The following PRAMEF17 variants were observed in gnomAD, a reference collection of about 807,000 sequenced individuals.
PRAMEF17 encodes the protein PRAME family member 17.
In PRAMEF17, 48 loss-of-function variants were observed where a neutral mutation model predicts 36.8. The ratio of observed to expected loss-of-function variants is 1.30; its 90% CI spans 1.03 to 1.66. The LOEUF (loss-of-function observed/expected upper bound fraction) is 1.66. Among genes scored for constraint, PRAMEF17 ranks in the 40% most tolerant of loss-of-function variants. The pLI, the probability that PRAMEF17 is intolerant of heterozygous loss-of-function variation, is 0.00. For missense variants in PRAMEF17, 639 were observed against 560.6 expected, an observed-to-expected ratio of 1.14 and a Z score of -1.41; for synonymous variants, 246 against 220.4, an observed-to-expected ratio of 1.12 and a Z score of -1.03.
Position 13,392,190 on chromosome 1 carries a change from T to G in PRAMEF17, c.1113T>G (p.Pro371=). 1.2e-6 allele frequency: 2 copies of G among 1,612,002 alleles called. No homozygotes were observed. Among genetic ancestry groups the G allele is most frequent in the Non-Finnish European group, 1.7e-6 (2 of 1,179,848 alleles). The stretch of plus-strand genomic sequence containing the variant: ...ACTCCCAGCTCAGGGTCCTCCTGCC[T>G]GCCCTGAGCCGCTGCTCCCAGCTCA... ...IQDSQLRVLL[P]ALSRCSQLTT... is the part of the protein sequence containing the mutation. Residue 371 remains proline (P), a synonymous_variant, in exon 3 of 3, where the codon CCT becomes CCG. Coordinates refer to ENST00000376098, the MANE Select transcript of PRAMEF17 (RefSeq NM_001099851.3).
Position 13,390,770 on chromosome 1 carries a change from A to T in PRAMEF17, c.717A>T (p.Leu239Phe). 1.9e-6 allele frequency: 3 copies of T among 1,612,018 alleles called. No individual in the cohort carries two copies. The highest frequency in any genetic ancestry group is 2.5e-6 in the Non-Finnish European group (3 of 1,179,856). ...TGAGCAATCTTCGCAAACTCTTTTT[A>T]GCCTTCGGTTATGACGATGAGTTAT... is the stretch of plus-strand genomic sequence containing the variant. ...SQMSNLRKLFLAFGYDDELYV... is the reference protein window; with the variant it reads ...SQMSNLRKLFFAFGYDDELYV... Residue 239 changes from leucine to phenylalanine, a missense_variant, in exon 2 of 3, where the codon TTA (leucine) becomes TTT (phenylalanine). By Grantham distance (22) the Leu-to-Phe change is conservative. Coordinates refer to ENST00000376098, the MANE Select transcript of PRAMEF17 (RefSeq NM_001099851.3).
rs4662136 is a variant in PRAMEF17, at chr1:13,392,592, T to G, written c.*90T>G. The G allele has an allele frequency of 0.34, 500,710 of 1,468,990 alleles. 78,742 individuals carry two copies. Among genetic ancestry groups the G allele is most frequent in the Middle Eastern group, 0.41 (1,589 of 3,918 alleles). The allele number at this position is 1,468,990 out of a possible 1,614,324, so 91.0% of individuals were successfully genotyped here. A position where few individuals can be genotyped will look rare whatever the true frequency, so the allele number is the denominator to read the frequency against. ...ACAGGTGGGTTTTTTTGTTTTTTTGTTTTTTTTTTGATGGAGTCTCGCTCT... is the reference window on the plus strand; with the variant it reads ...ACAGGTGGGTTTTTTTGTTTTTTTGGTTTTTTTTTGATGGAGTCTCGCTCT... On this transcript the variant is annotated 3_prime_UTR_variant, in exon 3 of 3. Coordinates refer to ENST00000376098, the MANE Select transcript of PRAMEF17 (RefSeq NM_001099851.3).
Position 13,392,589 on chromosome 1 carries a change from TTG to T in PRAMEF17, c.*89_*90del. 6.4e-7 allele frequency: 1 copy of T among 1,567,576 alleles called. No individual in the cohort carries two copies. Among genetic ancestry groups the T allele is most frequent in the Non-Finnish European group, 8.6e-7 (1 of 1,160,508 alleles). The stretch of plus-strand genomic sequence containing the variant: ...GACACAGGTGGGTTTTTTTGTTTTT[TTG>T]TTTTTTTTTTGATGGAGTCTCGCTC... On this transcript the variant is annotated 3_prime_UTR_variant, in exon 3 of 3. Coordinates refer to ENST00000376098, the MANE Select transcript of PRAMEF17 (RefSeq NM_001099851.3).
chr1:13,391,393 C>T (rs1377585435), intron 2 of PRAMEF17, among the ~76,000 whole-genome samples: 2 of 151,990 alleles, frequency 1.3e-5, no homozygotes, highest in Non-Finnish European at 2.9e-5. Context: ...TCTTTTGAAC[C>T]CCAGGAAAAG....
intron 1 of PRAMEF17, 45 bp from the exon 2 acceptor site, chr1:13,390,296 G>A (rs1420300216): frequency 1.8e-5 from 29 of 1,611,682 alleles, no homozygotes; most frequent in Admixed American, 1.0e-4. Flanking sequence ...GGTCAGGGGT[G>A]GGTCTTTGCC....
Position 13,392,598 on chromosome 1 carries a change from T to TG in PRAMEF17, c.*96_*97insG. ...GGGTTTTTTTGTTTTTTTGTTTTTT[T>TG]TTTGATGGAGTCTCGCTCTGTCCCT... On this transcript the variant is annotated 3_prime_UTR_variant, in exon 3 of 3. Transcript: ENST00000376098. 1.5e-5 allele frequency: 22 copies of TG among 1,515,892 alleles called. No homozygotes were observed. The highest frequency in any genetic ancestry group is 4.1e-5 in the Admixed American group (2 of 48,618). 93.9% of individuals were successfully genotyped at this position (1,515,892 alleles called of 1,614,324 possible).
Position 13,392,452 on chromosome 1 carries a change from T to C in PRAMEF17, c.1375T>C (p.Ser459Pro). 6.2e-7 allele frequency: 1 copy of C among 1,612,022 alleles called. No homozygotes were observed. Among genetic ancestry groups the C allele is most frequent in the Non-Finnish European group, 8.5e-7 (1 of 1,179,856 alleles). ...RIFFGPIPCP[S>P]CGSWPSEKVD... is the part of the protein sequence containing the mutation. ...CTTTTTTGGTCCCATCCCCTGCCCT[T>C]CCTGTGGCTCATGGCCATCTGAGAA... is the stretch of plus-strand genomic sequence containing the variant. Residue 459 changes from serine (S) to proline (P), a missense_variant, in exon 3 of 3, where the codon TCC (serine) becomes CCC (proline). Physicochemically the swap from Ser to Pro is moderately conservative, Grantham distance 74 (BLOSUM62 -1). Transcript: ENST00000376098.
Position 13,389,930 on chromosome 1 carries a change from G to T in PRAMEF17, c.273G>T (p.Gln91His). 6.2e-7 allele frequency: 1 copy of T among 1,612,698 alleles called. No individual in the cohort carries two copies. Among genetic ancestry groups the T allele is most frequent in the Non-Finnish European group, 8.5e-7 (1 of 1,180,024 alleles). The change falls in exon 1 of 3, where the codon CAG (glutamine) becomes CAT (histidine). Residue 91 changes from glutamine (Q) to histidine (H), a missense_variant. Coordinates refer to ENST00000376098, the MANE Select transcript of PRAMEF17 (RefSeq NM_001099851.3). ...VLKGLDTLLA[Q>H]KLRPRRWKLQ... ...AGGGACTTGATACACTGCTGGCCCA[G>T]AAGCTTCGCCCCAGGTGAGGTGACT...
chr1:13,391,654 T>C (rs1171000982), intron 2 of PRAMEF17, among the ~76,000 whole-genome samples: 1 of 152,148 alleles, frequency 6.6e-6, no homozygotes, highest in Admixed American at 6.5e-5. Flanking sequence ...TTTGTGGCCT[T>C]GAACTAATCA....
At chr1:13,391,104 G>A (rs1286569315) in intron 2 of PRAMEF17, among the ~76,000 whole-genome samples, 185 bp downstream of exon 2, 4 of 152,322 alleles carry the variant, frequency 2.6e-5, no homozygotes, top group African/African-American at 7.2e-5. Flanking sequence ...TCACAAGCCC[G>A]CTCAAATAAG....
chr1:13,390,047 G>A, intron 1 of PRAMEF17, 103 bp downstream of exon 1: 6 of 1,548,942 alleles, frequency 3.9e-6, no homozygotes, highest in African/African-American at 1.4e-5. Flanking sequence ...GTGGCTCAGA[G>A]GCTTCTGATG....
Position 13,392,123 on chromosome 1 carries a change from C to A in PRAMEF17, c.1046C>A (p.Ala349Asp). The A allele has an allele frequency of 1.2e-6, 2 of 1,611,958 alleles. No homozygotes were observed. Among genetic ancestry groups the A allele is most frequent in the Non-Finnish European group, 1.7e-6 (2 of 1,179,854 alleles). ...GGAGCTCTGCTAGAGAAAGTTGCTG[C>A]TACTCTCGAGATCCTCACGTTAAAG... ...PLGALLEKVA[A>D]TLEILTLKDC... Residue 349 changes from alanine to aspartate, a missense_variant, in exon 3 of 3, where the codon GCT (alanine) becomes GAT (aspartate). Coordinates refer to ENST00000376098, the MANE Select transcript of PRAMEF17 (RefSeq NM_001099851.3).
At position 13,392,529 on chromosome 1, in the gene PRAMEF17, T is replaced by C. The variant is rs1640900477; in HGVS notation, c.*27T>C. On this transcript the variant is annotated 3_prime_UTR_variant, in exon 3 of 3. Transcript: ENST00000376098. The stretch of plus-strand genomic sequence containing the variant: ...GAAGGCCTGATTAGTGGGATGGATA[T>C]GCTTTCTTCAGGACCCTTAGGCACT... 8.1e-6 allele frequency: 13 copies of C among 1,611,718 alleles called. No homozygotes were observed. The highest frequency in any genetic ancestry group is 5.0e-5 in the Admixed American group (3 of 59,978).
At position 13,390,056 on chromosome 1, in the gene PRAMEF17, T is replaced by C. The variant is rs971737311; in HGVS notation, c.287+112T>C. 23 of 1,528,710 alleles carry C rather than the reference T, an allele frequency of 1.5e-5. No individual in the cohort carries two copies. In the South Asian group the frequency reaches 1.9e-4, roughly 13 times the overall value. The allele number at this position is 1,528,710 out of a possible 1,614,324, so 94.7% of individuals were successfully genotyped here. The stretch of plus-strand genomic sequence containing the variant: ...GCTAGGGTGGCTCAGAGGCTTCTGA[T>C]GGTGCCCATGAGAGACCTTGACCAT... On this transcript the variant is annotated intron_variant, in intron 1 of 2. Transcript: ENST00000376098.
chr1:13,390,969 T>A (rs1412868526), intron 2 of PRAMEF17, 50 bp downstream of exon 2: 28 of 1,610,718 alleles, frequency 1.7e-5, no homozygotes, highest in Non-Finnish European at 2.4e-5. Flanking sequence ...CAGACTTTTG[T>A]TCTTTTTCAC....
chr1:13,390,087 A>G (rs1640859665), intron 1 of PRAMEF17, 143 bp downstream of exon 1: 2 of 1,403,370 alleles, frequency 1.4e-6, no homozygotes, highest in East Asian at 2.3e-5. Context: ...ACCATTGCCC[A>G]GATCCTCTGG....
At position 13,392,577 on chromosome 1, in the gene PRAMEF17, T is replaced by G; in HGVS notation, c.*75T>G. On this transcript the variant is annotated 3_prime_UTR_variant, in exon 3 of 3. Transcript: ENST00000376098. ...ACTAAAATCTAGGACACAGGTGGGT[T>G]TTTTTGTTTTTTTGTTTTTTTTTTG... 1 of 1,566,118 alleles carries G rather than the reference T, an allele frequency of 6.4e-7. No individual in the cohort carries two copies. The highest frequency in any genetic ancestry group is 8.6e-7 in the Non-Finnish European group (1 of 1,159,174).
In PRAMEF17 at chr1:13,389,900, G is replaced by C. The variant is rs1257905808; in HGVS notation, c.243G>C (p.Val81=). The change falls in exon 1 of 3, where the codon GTG becomes GTC. Residue 81 remains valine (V), a synonymous_variant. Coordinates refer to ENST00000376098, the MANE Select transcript of PRAMEF17 (RefSeq NM_001099851.3). The part of the protein sequence containing the change: ...KTPHLETLQA[V]LKGLDTLLAQ... Reference sequence around the variant, plus strand: ...CTCATCTGGAGACCTTGCAAGCTGTGCTGAAGGGACTTGATACACTGCTGG... The same window carrying C: ...CTCATCTGGAGACCTTGCAAGCTGTCCTGAAGGGACTTGATACACTGCTGG... The C allele has an allele frequency of 6.2e-7, 1 of 1,613,288 alleles. No homozygotes were observed. Among genetic ancestry groups the C allele is most frequent in the Admixed American group, 1.7e-5 (1 of 60,014 alleles).
chr1:13,391,013 C>T (rs1284397325), intron 2 of PRAMEF17, 94 bp downstream of exon 2: 6 of 1,553,900 alleles, frequency 3.9e-6, no homozygotes, highest in Non-Finnish European at 5.3e-6. Flanking sequence ...TGTGTGCCAG[C>T]CACTGGTGAT....
Sources: allele counts gnomAD v4.1 joint callset (sites outside exome capture counted in the v4.1 genomes callset), GRCh38; gene constraint gnomAD v4.1.1; transcripts MANE v1.5; gene names NCBI Gene and HGNC (gene_info 2026-07-23, HGNC 2026-07-21).